Variants in SLC12A1 observed in about 807,000 individuals in gnomAD.
SLC12A1 encodes the protein Na-K-2Cl cotransporter.
In SLC12A1, 89 loss-of-function variants were observed where a neutral mutation model predicts 130.4. The observed-to-expected ratio is 0.68, with a 90% CI of 0.58 to 0.81. The LOEUF (loss-of-function observed/expected upper bound fraction) is 0.81, where lower values mean the gene tolerates loss of function less well. Among genes scored for constraint, SLC12A1 ranks in the 40% least tolerant of loss-of-function variants. The pLI is 0.00. For synonymous variants in SLC12A1, 499 were observed against 460.0 expected, an observed-to-expected ratio of 1.08 and a Z score of -1.09; for missense variants, 1,310 against 1,336.4, an observed-to-expected ratio of 0.98 and a Z score of 0.31.
Position 48,237,087 on chromosome 15 carries a change from T to A in SLC12A1, c.1215+2083T>A, listed in dbSNP as rs895331775. 6 of 695,078 alleles carry A rather than the reference T, an allele frequency of 8.6e-6. No individual in the cohort carries two copies. The Admixed American group carries it at 1.0e-4, about 12-fold the overall frequency. 43.1% of individuals were successfully genotyped at this position (695,078 alleles called of 1,614,324 possible). A position where few individuals can be genotyped will look rare whatever the true frequency, so the allele number is the denominator to read the frequency against. ...TGAATTAGAACAAGCAAGAGTAGAATCAAGTGCAAAGGAAAGAGGAAGCAG... is the reference window on the plus strand; with the variant it reads ...TGAATTAGAACAAGCAAGAGTAGAAACAAGTGCAAAGGAAAGAGGAAGCAG... On this transcript the variant is annotated intron_variant, in intron 9 of 26. Transcript: ENST00000380993.
Position 48,244,739 on chromosome 15 carries a change from G to T in SLC12A1, c.1301-14G>T, listed in dbSNP as rs888885146. On this transcript the variant is annotated splice_polypyrimidine_tract_variant and intron_variant, in intron 10 of 26. Coordinates refer to ENST00000380993, the MANE Select transcript of SLC12A1 (RefSeq NM_000338.3). ...ACTTTATAAAGAAATAACAAGCCAC[G>T]GTTGTTTCCACAGGGGCCTGTGTGG... The T allele has an allele frequency of 6.2e-7, 1 of 1,613,634 alleles. No individual in the cohort carries two copies. Among genetic ancestry groups the T allele is most frequent in the Non-Finnish European group, 8.5e-7 (1 of 1,179,708 alleles).
intron 10 of SLC12A1, among the ~76,000 whole-genome samples, chr15:48,243,316 T>A (rs60455792): frequency 0.037 from 5,655 of 152,078 alleles, 147 homozygotes; most frequent in East Asian, 0.097. Context: ...GTACTATGAT[T>A]AAAAGGATCC....
chr15:48,255,305 G>A (rs2041693741), intron 15 of SLC12A1, among the ~76,000 whole-genome samples: 1 of 152,016 alleles, frequency 6.6e-6, no homozygotes, highest in Non-Finnish European at 1.5e-5. Context: ...AGACATGTTG[G>A]CGGGTGCCTG....
intron 5 of SLC12A1, 69 bp from the exon 6 acceptor site, chr15:48,229,120 T>C (rs2041333489): frequency 2.1e-6 from 3 of 1,457,090 alleles, no homozygotes; most frequent in South Asian, 2.6e-5. Context: ...TGTTCTCAGA[T>C]AGTCACAATC....
chr15:48,230,288 G>A (rs2141033586), intron 6 of SLC12A1, 105 bp from the exon 7 acceptor site: 1 of 675,472 alleles, frequency 1.5e-6, no homozygotes, highest in East Asian at 2.7e-5. Flanking sequence ...ATCCTATATG[G>A]CCCCAGGTGT....
intron 9 of SLC12A1, 81 bp downstream of exon 9, chr15:48,235,085 G>GGTCACATC: frequency 7.3e-7 from 1 of 1,366,962 alleles, no homozygotes. Context: ...GAGGTTAGAT[G>GGTCACATC]TGACCATATT....
intron 2 of SLC12A1, among the ~76,000 whole-genome samples, chr15:48,216,083 A>G (rs550704849): frequency 6.6e-6 from 1 of 152,296 alleles, no homozygotes; most frequent in African/African-American, 2.4e-5. Context: ...TGGTATAAAT[A>G]TATTTAAAAC....
intron 2 of SLC12A1, among the ~76,000 whole-genome samples, chr15:48,215,894 T>A (rs1174046008): frequency 6.6e-6 from 1 of 152,214 alleles, no homozygotes; most frequent in Non-Finnish European, 1.5e-5. Context: ...ATGGAGGACG[T>A]ACCCTGAATG....
At chr15:48,302,421 C>G (rs1381470045) in intron 26 of SLC12A1, among the ~76,000 whole-genome samples, 1 of 150,762 alleles carries the variant, frequency 6.6e-6, no homozygotes, top group Non-Finnish European at 1.5e-5. Context: ...GAGATCGAGA[C>G]CATCCTGGCT....
chr15:48,302,346 C>T (rs543423419), intron 26 of SLC12A1, among the ~76,000 whole-genome samples: 162 of 151,806 alleles, frequency 1.1e-3, no homozygotes, highest in Middle Eastern at 3.4e-3. Flanking sequence ...GCCGGCCGGG[C>T]GCGGTGGCTC....
chr15:48,206,559 AG>A (rs1252600181), intron 1 of SLC12A1, among the ~76,000 whole-genome samples: 6 of 152,166 alleles, frequency 3.9e-5, no homozygotes, highest in African/African-American at 1.4e-4. Flanking sequence ...GAGAGAGACA[AG>A]TTTTTATTTA....
At chr15:48,302,151 G>T (rs78382809) in intron 26 of SLC12A1, among the ~76,000 whole-genome samples, 1 of 152,086 alleles carries the variant, frequency 6.6e-6, no homozygotes, top group Non-Finnish European at 1.5e-5. Flanking sequence ...ACGGGGGTAG[G>T]TATTAGCTGA....
At chr15:48,265,983 T>A (rs959140401) in intron 17 of SLC12A1, among the ~76,000 whole-genome samples, 4 of 152,310 alleles carry the variant, frequency 2.6e-5, no homozygotes, top group African/African-American at 9.6e-5. Context: ...TAATGAGATA[T>A]TTTACATTCT....
intron 20 of SLC12A1, among the ~76,000 whole-genome samples, chr15:48,277,796 GA>G (rs2041969330): frequency 6.6e-6 from 1 of 152,168 alleles, no homozygotes; most frequent in African/African-American, 2.4e-5. Context: ...TGGATTAGGT[GA>G]ATTTTCTGAT....
chr15:48,282,256 T>C (rs886273449), intron 20 of SLC12A1, among the ~76,000 whole-genome samples: 3 of 152,194 alleles, frequency 2.0e-5, no homozygotes, highest in Non-Finnish European at 2.9e-5. Context: ...CTGCTACATC[T>C]AAAGCATTCG....
Position 48,223,623 on chromosome 15 carries a change from T to C in SLC12A1, c.628+2627T>C, listed in dbSNP as rs2041244305. The C allele has an allele frequency of 2.0e-5, 3 of 152,190 alleles. No homozygotes were observed. In the South Asian group the frequency reaches 6.2e-4, roughly 32 times the overall value. The allele number at this position is 152,190 out of a possible 1,614,324, so 9.4% of individuals were successfully genotyped here. A position where few individuals can be genotyped will look rare whatever the true frequency, so the allele number is the denominator to read the frequency against. ...TTGGAGTAGGTTTAGTGTTATGAAA[T>C]GCAAATTATATGGTCCTGTAGAGTT... On this transcript the variant is annotated intron_variant, in intron 4 of 26. Coordinates refer to ENST00000380993, the MANE Select transcript of SLC12A1 (RefSeq NM_000338.3).
intron 13 of SLC12A1, among the ~76,000 whole-genome samples, chr15:48,248,733 A>G (rs374660057): frequency 1.4e-3 from 213 of 152,326 alleles, no homozygotes; most frequent in African/African-American, 4.7e-3. Flanking sequence ...CATACCAGAT[A>G]TTTACTCCTG....
intron 9 of SLC12A1, among the ~76,000 whole-genome samples, chr15:48,241,134 A>T (rs2141049515): frequency 6.6e-6 from 1 of 152,336 alleles, no homozygotes; most frequent in East Asian, 1.9e-4. Context: ...GATATTATCC[A>T]CATGCCAGAT....
In SLC12A1 at chr15:48,304,035, T is replaced by C. The variant is rs1160876453; in HGVS notation, c.*1150T>C. On this transcript the variant is annotated 3_prime_UTR_variant, in exon 27 of 27. Coordinates refer to ENST00000380993, the MANE Select transcript of SLC12A1 (RefSeq NM_000338.3). ...TGACTGTTCATTCTAACTGAAAACA[T>C]ATATGGGAAAATATGAACCTGAAAT... is the stretch of plus-strand genomic sequence containing the variant. The C allele has an allele frequency of 1.3e-5, 2 of 152,228 alleles. No individual in the cohort carries two copies. Among genetic ancestry groups the C allele is most frequent in the African/African-American group, 4.8e-5 (2 of 41,462 alleles). 9.4% of individuals were successfully genotyped at this position (152,228 alleles called of 1,614,324 possible).
Sources: gnomAD v4.1 joint callset for allele counts (sites outside exome capture counted in the v4.1 genomes callset) on GRCh38, gnomAD v4.1.1 for gene constraint, MANE v1.5 for transcripts, NCBI Gene and HGNC (gene_info 2026-07-23, HGNC 2026-07-21) for gene names.